Variants in BBX observed in about 807,000 individuals in gnomAD.
BBX encodes HMG box transcription factor BBX.
BBX carries 30 observed loss-of-function variants against 100.2 expected under a neutral mutation model. The ratio of observed to expected loss-of-function variants is 0.30; its 90% CI spans 0.22 to 0.41. The LOEUF is 0.41. BBX is among the 10% of genes least tolerant of loss of function. The pLI, the probability that BBX is intolerant of heterozygous loss-of-function variation, is 1.00. For synonymous variants in BBX, 376 were observed against 388.1 expected (o/e 0.97, Z 0.37); for missense variants, 1,023 against 1,129.8 (o/e 0.91, Z 1.35).
intron 2 of BBX, among the ~76,000 whole-genome samples, chr3:107,621,099 T>G (rs1043543745): frequency 1.3e-5 from 2 of 152,120 alleles, no homozygotes. Flanking sequence ...GGGCCACAGT[T>G]TTTTTTCTGT....
Position 107,800,371 on chromosome 3 carries a change from C to T in BBX, c.2552-724C>T, listed in dbSNP as rs572362919. On this transcript the variant is annotated intron_variant, in intron 16 of 17. Coordinates refer to ENST00000325805, the MANE Select transcript of BBX (RefSeq NM_001142568.3). ...CCATTTACATAGAAAAGTGTCATAC[C>T]ACTTTTGTGTCCTAATAGATAATAT... Among the ~76,000 whole-genome samples the T allele has an allele frequency of 2.8e-4, 43 of 152,294 alleles. 1 individual carries two copies. The South Asian group carries it at 8.3e-3, about 29-fold the overall frequency.
At chr3:107,636,297 G>A (rs1198990879) in intron 2 of BBX, among the ~76,000 whole-genome samples, 1 of 152,116 alleles carries the variant, frequency 6.6e-6, no homozygotes, top group Non-Finnish European at 1.5e-5. Context: ...CAAGGTACAT[G>A]GAATATTTTC....
At chr3:107,768,565 G>C (rs1395620477) in intron 10 of BBX, among the ~76,000 whole-genome samples, 1 of 152,150 alleles carries the variant, frequency 6.6e-6, no homozygotes, top group Non-Finnish European at 1.5e-5. Flanking sequence ...ACAGATGGAA[G>C]ATAATTCACA....
intron 10 of BBX, among the ~76,000 whole-genome samples, chr3:107,762,692 T>C (rs962806687): frequency 5.3e-5 from 8 of 152,220 alleles, no homozygotes; most frequent in African/African-American, 1.9e-4. Flanking sequence ...AACTTCTTGA[T>C]TGGTGTCAGT....
intron 3 of BBX, among the ~76,000 whole-genome samples, chr3:107,671,380 A>G (rs139516220): frequency 1.3e-5 from 2 of 152,162 alleles, no homozygotes; most frequent in Non-Finnish European, 2.9e-5. Flanking sequence ...CCTAAACACC[A>G]CTGAGACTAT....
At chr3:107,747,896 A>C in intron 8 of BBX, 69 bp from the exon 9 acceptor site, 2 of 1,328,048 alleles carry the variant, frequency 1.5e-6, no homozygotes, top group Non-Finnish European at 2.1e-6. Flanking sequence ...TTGAAAATAT[A>C]TGGCAGAATC....
chr3:107,573,330 CG>C (rs1372335186), intron 2 of BBX, among the ~76,000 whole-genome samples: 6 of 152,058 alleles, frequency 3.9e-5, no homozygotes, highest in Admixed American at 2.0e-4. Context: ...GAGGCCGATG[CG>C]GGTGGATCAC....
chr3:107,635,718 T>C (rs2056809490), intron 2 of BBX, among the ~76,000 whole-genome samples: 1 of 151,220 alleles, frequency 6.6e-6, no homozygotes, highest in African/African-American at 2.4e-5. Flanking sequence ...TTTTCATCTT[T>C]TTTTTTTTTT....
chr3:107,716,627 T>G lies in BBX; in HGVS notation c.183T>G (p.Asp61Glu). Residue 61 changes from aspartate (D) to glutamate (E), a missense_variant, in exon 5 of 18, where the codon GAT becomes GAG. Around this residue, in one of 9 missense-constraint regions of BBX, gnomAD observed 229 missense variants for 226.3 expected, o/e 1.01. Coordinates refer to ENST00000325805, the MANE Select transcript of BBX (RefSeq NM_001142568.3). ...DIDKVQLLGA[D>E]GLEQDVGETE... is the part of the protein sequence containing the mutation. ...AATAGGTTCAACTTCTTGGGGCCGA[T>G]GGCCTAGAGCAAGATGTTGGTGAAA... The G allele has an allele frequency of 6.2e-7, 1 of 1,613,726 alleles. No homozygotes were observed. Among genetic ancestry groups the G allele is most frequent in the Non-Finnish European group, 8.5e-7 (1 of 1,179,706 alleles).
At chr3:107,789,028 A>G (rs971194070) in intron 13 of BBX, among the ~76,000 whole-genome samples, 10 of 152,134 alleles carry the variant, frequency 6.6e-5, no homozygotes, top group African/African-American at 2.2e-4. Context: ...GGGCTATGCC[A>G]TGGGTGGAGG....
At position 107,782,002 on chromosome 3, in the gene BBX, TCTC is replaced by T. The variant is rs1323482463; in HGVS notation, c.2203+3486_2203+3488del. Among the ~76,000 whole-genome samples the T allele has an allele frequency of 4.6e-5, 7 of 152,246 alleles. No individual in the cohort carries two copies. In the East Asian group the frequency reaches 9.7e-4, roughly 21 times the overall value. On this transcript the variant is annotated intron_variant, in intron 13 of 17. Coordinates refer to ENST00000325805, the MANE Select transcript of BBX (RefSeq NM_001142568.3). ...TACAGAGCCGAGATGTGATGATAGA[TCTC>T]CTATTAGGAAATTTTAGCTTCCAGA...
chr3:107,722,224 A>T (rs973130737), intron 5 of BBX, among the ~76,000 whole-genome samples: 2 of 152,012 alleles, frequency 1.3e-5, no homozygotes, highest in African/African-American at 4.8e-5. Flanking sequence ...ATTTATAAAG[A>T]CTATAAAAAC....
At chr3:107,696,644 T>C (rs1194923525) in intron 3 of BBX, among the ~76,000 whole-genome samples, 1 of 151,860 alleles carries the variant, frequency 6.6e-6, no homozygotes, top group African/African-American at 2.4e-5. Flanking sequence ...TTTCCTTCAT[T>C]TCACCTTTGG....
At chr3:107,572,380 G>A (rs1200840450) in intron 2 of BBX, among the ~76,000 whole-genome samples, 2 of 152,040 alleles carry the variant, frequency 1.3e-5, no homozygotes, top group Non-Finnish European at 2.9e-5. Flanking sequence ...ACTGGTATGT[G>A]TTAAATGGCT....
chr3:107,669,350 A>T (rs2058910927), intron 3 of BBX, among the ~76,000 whole-genome samples: 1 of 152,146 alleles, frequency 6.6e-6, no homozygotes, highest in South Asian at 2.1e-4. Context: ...AAATGATAAG[A>T]GGCAAAAAAG....
chr3:107,798,839 A>T, intron 16 of BBX, 119 bp downstream of exon 16: 1 of 1,080,370 alleles, frequency 9.3e-7, no homozygotes. Flanking sequence ...ATGAGCTAAA[A>T]AAAAAAAAAA....
chr3:107,737,884 G>GTTTTTTTTTTGTTTTT (rs2063745425), intron 7 of BBX, among the ~76,000 whole-genome samples: 1 of 48,886 alleles, frequency 2.0e-5, no homozygotes, highest in Non-Finnish European at 3.4e-5. Flanking sequence ...CAGAGTTCCA[G>GTTTTTTTTTTGTTTTT]TTTTTTTTTT....
At chr3:107,780,148 A>T (rs1318185894) in intron 13 of BBX, among the ~76,000 whole-genome samples, 1 of 152,146 alleles carries the variant, frequency 6.6e-6, no homozygotes, top group Admixed American at 6.6e-5. Context: ...GATATTTAGG[A>T]ATAGGAAAAG....
At chr3:107,559,789 C>T (rs1015039754) in intron 2 of BBX, among the ~76,000 whole-genome samples, 2 of 152,148 alleles carry the variant, frequency 1.3e-5, no homozygotes, top group Non-Finnish European at 2.9e-5. Context: ...GTCACCCTGG[C>T]TGGAGTGAAG....
Sources: gnomAD v4.1 joint callset for allele counts (sites outside exome capture counted in the v4.1 genomes callset) on GRCh38, gnomAD v4.1.1 for gene constraint, gnomAD v4.1.1 regional missense constraint, MANE v1.5 for transcripts, NCBI Gene and HGNC (gene_info 2026-07-23, HGNC 2026-07-21) for gene names.